Variants in GFRA1 observed in about 807,000 individuals in gnomAD.
The protein encoded by GFRA1 is GDNF family receptor alpha-1.
A neutral mutation model predicts 51.6 loss-of-function variants in GFRA1; 16 were observed. That is an observed-to-expected ratio of 0.31 (90% CI 0.21 to 0.47). The LOEUF (loss-of-function observed/expected upper bound fraction) is 0.47, where lower values mean the gene tolerates loss of function less well. GFRA1 is among the 20% of genes least tolerant of loss of function. GFRA1 has a pLI of 1.00. For missense variants in GFRA1, 530 were observed against 594.3 expected, an observed-to-expected ratio of 0.89 and a Z score of 1.13; for synonymous variants, 270 against 241.3, an observed-to-expected ratio of 1.12 and a Z score of -1.10.
At chr10:116,250,336 A>G (rs1246250402) in intron 4 of GFRA1, among the ~76,000 whole-genome samples, 1 of 152,020 alleles carries the variant, frequency 6.6e-6, no homozygotes, top group Non-Finnish European at 1.5e-5. Context: ...CTAAGTCCCC[A>G]CTCTAGCCCC....
intron 4 of GFRA1, among the ~76,000 whole-genome samples, chr10:116,240,819 G>C (rs1967300201): frequency 6.6e-6 from 1 of 152,110 alleles, no homozygotes; most frequent in African/African-American, 2.4e-5. Context: ...ATAAACGAAT[G>C]AATAGCAGCT....
At chr10:116,122,868 G>C (rs1957704465) in intron 6 of GFRA1, among the ~76,000 whole-genome samples, 1 of 152,170 alleles carries the variant, frequency 6.6e-6, no homozygotes, top group African/African-American at 2.4e-5. Flanking sequence ...CAAAAGCCCA[G>C]GTCTCCTGGC....
chr10:116,071,593 C>T (rs1393074893), intron 9 of GFRA1, among the ~76,000 whole-genome samples: 1 of 152,180 alleles, frequency 6.6e-6, no homozygotes, highest in Non-Finnish European at 1.5e-5. Flanking sequence ...GACAGACAGG[C>T]TCCAGCAGTG....
At chr10:116,267,056 G>A (rs182910781) in intron 4 of GFRA1, among the ~76,000 whole-genome samples, 68 of 152,000 alleles carry the variant, frequency 4.5e-4, no homozygotes, top group African/African-American at 1.5e-3. Context: ...TAGGAGGATC[G>A]CTTGAGCCCA....
At chr10:116,087,773 G>A (rs893180132) in intron 9 of GFRA1, among the ~76,000 whole-genome samples, 9 of 152,116 alleles carry the variant, frequency 5.9e-5, no homozygotes, top group African/African-American at 2.2e-4. Context: ...CAGAGCACCC[G>A]CTGGAGATGG....
intron 5 of GFRA1, among the ~76,000 whole-genome samples, chr10:116,129,202 A>T (rs1958002718): frequency 1.3e-5 from 2 of 152,192 alleles, no homozygotes; most frequent in South Asian, 4.1e-4. Context: ...GCATTACCCA[A>T]ATACCAGAAC....
At chr10:116,231,748 C>T (rs1166934189) in intron 4 of GFRA1, among the ~76,000 whole-genome samples, 1 of 152,130 alleles carries the variant, frequency 6.6e-6, no homozygotes, top group African/African-American at 2.4e-5. Flanking sequence ...TTGTAATACA[C>T]CATAAATTTA....
Position 116,074,378 on chromosome 10 carries a change from G to A in GFRA1, c.1198-8752C>T, listed in dbSNP as rs985343605. Among the ~76,000 whole-genome samples, 4 of 152,208 alleles carry A rather than the reference G, an allele frequency of 2.6e-5. No individual in the cohort carries two copies. In the East Asian group the frequency reaches 5.8e-4, roughly 22 times the overall value. On this transcript the variant is annotated intron_variant, in intron 9 of 10. Transcript: ENST00000355422. ...GTGACAGCTAAGGAAGGTTCTGAGA[G>A]GTGCAGTCATAAGCCCAGGCTCACA...
At chr10:116,138,285 C>A (rs1958415906) in intron 5 of GFRA1, among the ~76,000 whole-genome samples, 1 of 152,152 alleles carries the variant, frequency 6.6e-6, no homozygotes, top group Non-Finnish European at 1.5e-5. Context: ...CAAGCCTGGC[C>A]ACCATCTGAA....
intron 4 of GFRA1, among the ~76,000 whole-genome samples, chr10:116,266,799 G>T (rs1418746099): frequency 1.3e-5 from 2 of 152,204 alleles, no homozygotes; most frequent in Non-Finnish European, 2.9e-5. Flanking sequence ...GAATGACCAT[G>T]CCTCCTTAAC....
At chr10:116,149,191 GT>G (rs1958960382) in intron 5 of GFRA1, among the ~76,000 whole-genome samples, 1 of 152,108 alleles carries the variant, frequency 6.6e-6, no homozygotes, top group Non-Finnish European at 1.5e-5. Flanking sequence ...AATACTTAGG[GT>G]ATAACAATGA....
chr10:116,234,808 C>T (rs1198230000), intron 4 of GFRA1, among the ~76,000 whole-genome samples: 1 of 152,096 alleles, frequency 6.6e-6, no homozygotes, highest in Admixed American at 6.5e-5. Flanking sequence ...TTGTAGTTCC[C>T]ATAATCCCCA....
At chr10:116,253,837 C>T (rs1968589865) in intron 4 of GFRA1, among the ~76,000 whole-genome samples, 1 of 152,148 alleles carries the variant, frequency 6.6e-6, no homozygotes. Flanking sequence ...GCCGGGGTAG[C>T]ATGCAAAGGG....
At chr10:116,214,541 C>T (rs1965430000) in intron 4 of GFRA1, among the ~76,000 whole-genome samples, 1 of 152,150 alleles carries the variant, frequency 6.6e-6, no homozygotes, top group African/African-American at 2.4e-5. Flanking sequence ...AAGGCTGAGC[C>T]AGGACCACAT....
At chr10:116,087,893 A>T (rs2133864192) in intron 9 of GFRA1, among the ~76,000 whole-genome samples, 1 of 152,326 alleles carries the variant, frequency 6.6e-6, no homozygotes, top group Admixed American at 6.5e-5. Flanking sequence ...AGGATGGAGC[A>T]GTTCCACGCC....
chr10:116,191,924 G>A (rs1183579451), intron 5 of GFRA1, among the ~76,000 whole-genome samples: 1 of 152,196 alleles, frequency 6.6e-6, no homozygotes, highest in African/African-American at 2.4e-5. Flanking sequence ...CTACTATGGA[G>A]GCTGAGACAC....
intron 5 of GFRA1, among the ~76,000 whole-genome samples, chr10:116,206,257 T>G (rs1171975558): frequency 6.6e-6 from 1 of 152,204 alleles, no homozygotes; most frequent in Non-Finnish European, 1.5e-5. Flanking sequence ...TCTTTCATAA[T>G]GTAAGACATT....
intron 5 of GFRA1, among the ~76,000 whole-genome samples, chr10:116,172,525 C>G (rs1961132353): frequency 6.6e-6 from 1 of 152,104 alleles, no homozygotes; most frequent in African/African-American, 2.4e-5. Flanking sequence ...CAAAGGCTTC[C>G]AAGAGGAAAC....
chr10:116,248,289 T>C (rs1968033691), intron 4 of GFRA1, among the ~76,000 whole-genome samples: 1 of 152,184 alleles, frequency 6.6e-6, no homozygotes, highest in African/African-American at 2.4e-5. Context: ...CCAAGTCTTA[T>C]AGAGGCCTGC....
Sources: allele counts gnomAD v4.1 joint callset (sites outside exome capture counted in the v4.1 genomes callset), GRCh38; gene constraint gnomAD v4.1.1; transcripts MANE v1.5; gene names NCBI Gene and HGNC (gene_info 2026-07-23, HGNC 2026-07-21).